KCND3: variants seen among roughly 807,000 people sequenced by gnomAD.
KCND3 encodes the protein potassium voltage-gated channel subfamily D member 3.
Under a neutral mutation model 51.1 loss-of-function variants are expected in KCND3, and 9 were observed. The observed-to-expected ratio is 0.18, with a 90% CI of 0.11 to 0.31. The LOEUF (loss-of-function observed/expected upper bound fraction) is 0.31. KCND3 is among the 10% of genes least tolerant of loss of function. The probability of loss-of-function intolerance (pLI) is 1.00; values close to 1 mark genes in which losing one functional copy is unlikely to be tolerated. For missense variants in KCND3, 526 were observed against 903.8 expected (o/e 0.58, Z 5.36); for synonymous variants, 349 against 368.0 (o/e 0.95, Z 0.59).
chr1:111,842,768 G>A (rs184212106), intron 2 of KCND3, among the ~76,000 whole-genome samples: 1 of 152,222 alleles, frequency 6.6e-6, no homozygotes, highest in Non-Finnish European at 1.5e-5. Context: ...AAGAGGCACT[G>A]TCAGAGAAGA....
At chr1:111,821,550 G>C (rs912463601) in intron 2 of KCND3, among the ~76,000 whole-genome samples, 2 of 152,222 alleles carry the variant, frequency 1.3e-5, no homozygotes, top group Admixed American at 1.3e-4. Flanking sequence ...TGGGTGGCCA[G>C]CTCTGGTCCT....
At chr1:111,809,507 A>G (rs1665743079) in intron 2 of KCND3, among the ~76,000 whole-genome samples, 1 of 152,176 alleles carries the variant, frequency 6.6e-6, no homozygotes, top group Non-Finnish European at 1.5e-5. Flanking sequence ...ACGGGGTTTC[A>G]CCATGTTAGC....
At chr1:111,959,906 G>A (rs1204929443) in intron 2 of KCND3, among the ~76,000 whole-genome samples, 1 of 152,112 alleles carries the variant, frequency 6.6e-6, no homozygotes, top group African/African-American at 2.4e-5. Context: ...GAAGGTAATT[G>A]AATCATGGGG....
At chr1:111,820,640 G>A (rs1190054338) in intron 2 of KCND3, among the ~76,000 whole-genome samples, 2 of 152,092 alleles carry the variant, frequency 1.3e-5, no homozygotes, top group Admixed American at 1.3e-4. Context: ...GAAGCTCCCT[G>A]GATTGAATTG....
intron 2 of KCND3, among the ~76,000 whole-genome samples, chr1:111,958,213 A>G (rs1473383320): frequency 1.3e-5 from 2 of 152,188 alleles, no homozygotes; most frequent in Admixed American, 6.5e-5. Flanking sequence ...GTGTGTGATA[A>G]TAAGGATCCT....
chr1:111,930,390 C>T (rs953457480), intron 2 of KCND3, among the ~76,000 whole-genome samples: 3 of 152,204 alleles, frequency 2.0e-5, no homozygotes, highest in African/African-American at 4.8e-5. Flanking sequence ...CGTCTTCATC[C>T]GTGGCTGGGA....
chr1:111,794,279 T>C (rs967149851), intron 2 of KCND3, among the ~76,000 whole-genome samples: 1 of 152,232 alleles, frequency 6.6e-6, no homozygotes, highest in Non-Finnish European at 1.5e-5. Context: ...AATTAATTGC[T>C]CCCTTCATTT....
At chr1:111,795,288 A>T (rs957212188) in intron 2 of KCND3, among the ~76,000 whole-genome samples, 1 of 152,244 alleles carries the variant, frequency 6.6e-6, no homozygotes, top group Non-Finnish European at 1.5e-5. Context: ...GGAACCAAAA[A>T]GATAGGATGG....
intron 6 of KCND3, among the ~76,000 whole-genome samples, chr1:111,777,874 C>T (rs1664199100): frequency 6.6e-6 from 1 of 152,190 alleles, no homozygotes; most frequent in South Asian, 2.1e-4. Context: ...TACCTGGAGG[C>T]ACAGGATTCC....
rs557005555 is a variant in KCND3, at chr1:111,778,264, G to A, written c.1518+172C>T. ...TAGAAAGACAGTTGGGTGGTTCAGC[G>A]CAAGAAACTGGAAGCCTGAGCTGGT... is the stretch of plus-strand genomic sequence containing the variant. On this transcript the variant is annotated intron_variant, in intron 6 of 7. Coordinates refer to ENST00000302127, the MANE Select transcript of KCND3 (RefSeq NM_001378969.1). 1.2e-4 allele frequency among the ~76,000 whole-genome samples: 18 copies of A among 152,260 alleles called. No individual in the cohort carries two copies. In the East Asian group the frequency reaches 2.7e-3, roughly 23 times the overall value.
chr1:111,798,992 G>A (rs892349400), intron 2 of KCND3, among the ~76,000 whole-genome samples: 11 of 152,068 alleles, frequency 7.2e-5, no homozygotes, highest in African/African-American at 1.5e-4. Flanking sequence ...TACACCAACC[G>A]TAACCAGGTG....
chr1:111,943,438 C>T (rs1345644979), intron 2 of KCND3, among the ~76,000 whole-genome samples: 1 of 152,160 alleles, frequency 6.6e-6, no homozygotes, highest in East Asian at 1.9e-4. Context: ...AAGACACTGG[C>T]TCATGGAATA....
rs756426792 is a variant in KCND3 at position 111,982,091 on chromosome 1, G to T, written c.636C>A (p.Gly212=). The change falls in exon 2 of 8, where the codon GGC becomes GGA. Residue 212 remains glycine, a synonymous_variant. Transcript: ENST00000302127. This position sits in a 1 kb window ranked among gnomAD's most constrained non-coding sequence, Gnocchi z 8.5. ...GCTCCCCGCACGGCAGCTCCTTGCTGCCCGGGACCGTGCCGCACGGCACCG... is the reference window on the plus strand; with the variant it reads ...GCTCCCCGCACGGCAGCTCCTTGCTTCCCGGGACCGTGCCGCACGGCACCG... ...VETVPCGTVP[G]SKELPCGERY... is the part of the protein sequence containing the mutation. The T allele has an allele frequency of 8.7e-6, 14 of 1,613,730 alleles. No homozygotes were observed. Among genetic ancestry groups the T allele is most frequent in the Non-Finnish European group, 1.1e-5 (13 of 1,179,976 alleles).
At chr1:111,936,194 G>T (rs1419494515) in intron 2 of KCND3, among the ~76,000 whole-genome samples, 1 of 152,184 alleles carries the variant, frequency 6.6e-6, no homozygotes, top group East Asian at 1.9e-4. Context: ...GGCTGTGTCC[G>T]TGGGGAGCTT....
In KCND3 at chr1:111,773,229, T is replaced by C. The variant is rs927576061; in HGVS notation, c.*2848A>G. 3.9e-5 allele frequency: 6 copies of C among 152,076 alleles called. No individual in the cohort carries two copies. In the East Asian group the frequency reaches 1.2e-3, roughly 29 times the overall value. The allele number at this position is 152,076 out of a possible 1,614,324, so 9.4% of individuals were successfully genotyped here. A position where few individuals can be genotyped will look rare whatever the true frequency, so the allele number is the denominator to read the frequency against. Reference sequence around the variant, plus strand: ...GGACCAATAAAAAAACATGGGAAATTGCTTGGGACATGATATTTAACATTT... The same window carrying C: ...GGACCAATAAAAAAACATGGGAAATCGCTTGGGACATGATATTTAACATTT... On this transcript the variant is annotated 3_prime_UTR_variant, in exon 8 of 8. Transcript: ENST00000302127.
At chr1:111,819,508 T>A (rs1475407956) in intron 2 of KCND3, among the ~76,000 whole-genome samples, 1 of 152,162 alleles carries the variant, frequency 6.6e-6, no homozygotes, top group Admixed American at 6.5e-5. Flanking sequence ...GAGGTGAAAG[T>A]TAACTTAATG....
rs931115608 is a variant in KCND3, at chr1:111,773,833, T to C, written c.*2244A>G. The C allele has an allele frequency of 1.3e-5, 2 of 152,222 alleles. No homozygotes were observed. The highest frequency in any genetic ancestry group is 4.8e-5 in the African/African-American group (2 of 41,448). The allele number at this position is 152,222 out of a possible 1,614,324, so 9.4% of individuals were successfully genotyped here. A position where few individuals can be genotyped will look rare whatever the true frequency, so the allele number is the denominator to read the frequency against. ...ATTTTTTTTAAGAGAAAAATTCTTT[T>C]CTAGTCCTTTGCCCGCCCTCTAAGT... On this transcript the variant is annotated 3_prime_UTR_variant, in exon 8 of 8. Coordinates refer to ENST00000302127, the MANE Select transcript of KCND3 (RefSeq NM_001378969.1).
intron 2 of KCND3, among the ~76,000 whole-genome samples, chr1:111,914,444 T>G (rs1469707729): frequency 6.6e-6 from 1 of 152,126 alleles, no homozygotes; most frequent in African/African-American, 2.4e-5. Flanking sequence ...ATCCAAGAAA[T>G]GCATTGAATT....
At chr1:111,856,098 C>T (rs138219076) in intron 2 of KCND3, among the ~76,000 whole-genome samples, 20 of 152,314 alleles carry the variant, frequency 1.3e-4, no homozygotes, top group Middle Eastern at 6.8e-3. Flanking sequence ...CAGACCTGGA[C>T]GGAGACCCTC....
Sources: allele counts gnomAD v4.1 joint callset (sites outside exome capture counted in the v4.1 genomes callset), GRCh38; gene constraint gnomAD v4.1.1; non-coding constraint Gnocchi (gnomAD v3.1); transcripts MANE v1.5; gene names NCBI Gene and HGNC (gene_info 2026-07-23, HGNC 2026-07-21).